Variants in PHF1 observed in about 807,000 individuals in gnomAD.
PHF1 encodes PHD finger protein 1, also known as polycomb-like 1.
PHF1 carries 16 observed loss-of-function variants against 69.4 expected under a neutral mutation model. The observed-to-expected ratio is 0.23, with a 90% CI of 0.16 to 0.35. The LOEUF (loss-of-function observed/expected upper bound fraction) is 0.35. PHF1 is among the 10% of genes least tolerant of loss of function. PHF1 has a pLI of 1.00. For missense variants in PHF1, 515 were observed against 732.8 expected (o/e 0.70, Z 3.43); for synonymous variants, 274 against 275.0 (o/e 1.00, Z 0.04).
chr6:33,413,096 G>T, intron 4 of PHF1, 100 bp from the exon 5 acceptor site: 1 of 1,075,858 alleles, frequency 9.3e-7, no homozygotes, highest in South Asian at 1.2e-5. Flanking sequence ...CCCTCATCAA[G>T]ACCATGGTCA....
chr6:33,413,570 A>T lies in PHF1; in HGVS notation c.587+13A>T. The T allele has an allele frequency of 1.2e-6, 2 of 1,614,064 alleles. No homozygotes were observed. The highest frequency in any genetic ancestry group is 1.7e-6 in the Non-Finnish European group (2 of 1,179,964). ...GTGGCCCTGGGGAGTGAGTAATGAG[A>T]GGGGAGCAGACTGTGGAATGAATGA... On this transcript the variant is annotated intron_variant, in intron 6 of 14. Coordinates refer to ENST00000374516, the MANE Select transcript of PHF1 (RefSeq NM_024165.3).
chr6:33,413,238 G>A lies in PHF1; in HGVS notation c.380G>A (p.Gly127Glu). 6.2e-7 allele frequency: 1 copy of A among 1,614,190 alleles called. No homozygotes were observed. Among genetic ancestry groups the A allele is most frequent in the Non-Finnish European group, 8.5e-7 (1 of 1,180,028 alleles). Reference protein sequence around the residue: ...DCHVPRAPAPGEGEGTSWVCR... With the variant: ...DCHVPRAPAPEEGEGTSWVCR... ...CATGTTCCCAGGGCTCCAGCCCCTG[G>A]AGAGGGAGAGGGCACATCCTGGGTA... is the stretch of plus-strand genomic sequence containing the variant. The change falls in exon 5 of 15, where the codon GGA (glycine) becomes GAA (glutamate). Residue 127 changes from glycine (G) to glutamate (E), a missense_variant. Transcript: ENST00000374516.
At chr6:33,415,425 G>GGC (rs1303838561) in intron 13 of PHF1, 96 bp downstream of exon 13, 6 of 1,242,624 alleles carry the variant, frequency 4.8e-6, no homozygotes, top group Non-Finnish European at 5.8e-6. Flanking sequence ...TCTCCCCCTT[G>GGC]GCTACCCACT....
In PHF1 at chr6:33,414,578, C is replaced by T; in HGVS notation, c.944+34C>T. ...GAGGGAAGAGGAGGCAAGGATGAGG[C>T]TCGGAAAGAGATGGAGAGTGGAAGC... On this transcript the variant is annotated intron_variant, in intron 10 of 14. Transcript: ENST00000374516. The surrounding 1 kb of genome is among the most constrained non-coding windows in gnomAD (Gnocchi z 5.0). The T allele has an allele frequency of 6.2e-7, 1 of 1,606,764 alleles. No homozygotes were observed. Among genetic ancestry groups the T allele is most frequent in the Non-Finnish European group, 8.5e-7 (1 of 1,173,448 alleles).
At position 33,412,430 on chromosome 6, in the gene PHF1, C is replaced by T. The variant is rs778105253; in HGVS notation, c.159+8C>T. ...TTGGGTACCATCAAAAAGGTAAGACCTTCTACCTCTGACCTTCTTCCTAGT... is the reference window on the plus strand; with the variant it reads ...TTGGGTACCATCAAAAAGGTAAGACTTTCTACCTCTGACCTTCTTCCTAGT... On this transcript the variant is annotated splice_region_variant and intron_variant, in intron 2 of 14. Transcript: ENST00000374516. The surrounding 1 kb of genome is among the most constrained non-coding windows in gnomAD (Gnocchi z 4.2). 3 of 1,614,094 alleles carry T rather than the reference C, an allele frequency of 1.9e-6. No individual in the cohort carries two copies. The highest frequency in any genetic ancestry group is 1.3e-5 in the African/African-American group (1 of 74,954).
chr6:33,411,868 A>G (rs1158447406), intron 1 of PHF1, among the ~76,000 whole-genome samples: 1 of 152,194 alleles, frequency 6.6e-6, no homozygotes, highest in Non-Finnish European at 1.5e-5. Flanking sequence ...TAGGCAAAGA[A>G]AATGGGGAGG....
At position 33,415,817 on chromosome 6, in the gene PHF1, C is replaced by G; in HGVS notation, c.1423C>G (p.Leu475Val). ...GDSGPPDRSP[L>V]ELHIGFPTDI... ...ATTGCCTTCTCTCCCTAGGTCACCC[C>G]TGGAACTTCACATTGGTTTCCCCAC... The change falls in exon 15 of 15, where the codon CTG (leucine) becomes GTG (valine). Residue 475 changes from leucine to valine, a missense_variant. Around this residue, in one of 5 missense-constraint regions of PHF1, gnomAD observed 274 missense variants for 304.5 expected, o/e 0.90. Coordinates refer to ENST00000374516, the MANE Select transcript of PHF1 (RefSeq NM_024165.3). 2 of 1,598,352 alleles carry G rather than the reference C, an allele frequency of 1.3e-6. No individual in the cohort carries two copies. Among genetic ancestry groups the G allele is most frequent in the Non-Finnish European group, 1.7e-6 (2 of 1,168,654 alleles).
chr6:33,413,864 G>A, intron 7 of PHF1, 33 bp downstream of exon 7: 3 of 1,591,474 alleles, frequency 1.9e-6, no homozygotes, highest in Non-Finnish European at 2.6e-6. Flanking sequence ...AGGAGCCAAG[G>A]ATGCCCTCTT....
Position 33,414,239 on chromosome 6 carries a change from C to T in PHF1, c.753-4C>T, listed in dbSNP as rs1776279101. The T allele has an allele frequency of 6.2e-7, 1 of 1,613,942 alleles. No individual in the cohort carries two copies. ...CTGTGGTCTTGAAAACTTTGTTTTT[C>T]CAGGGTGGATGTGGCCCATCTTGTC... On this transcript the variant is annotated splice_region_variant and splice_polypyrimidine_tract_variant and intron_variant, in intron 8 of 14. Transcript: ENST00000374516. The surrounding 1 kb of genome is among the most constrained non-coding windows in gnomAD (Gnocchi z 5.0).
At position 33,414,167 on chromosome 6, in the gene PHF1, A is replaced by G. The variant is rs370882136; in HGVS notation, c.752+58A>G. On this transcript the variant is annotated intron_variant, in intron 8 of 14. Transcript: ENST00000374516. The surrounding 1 kb of genome is among the most constrained non-coding windows in gnomAD (Gnocchi z 5.0). ...TCCACACCACAGTATTTCACTCTAT[A>G]TGCCCCAACCTCCCACCTCAGGACT... 1.6e-3 allele frequency: 2,639 copies of G among 1,613,536 alleles called. 15 individuals are homozygous for G. Among genetic ancestry groups the G allele is most frequent in the Middle Eastern group, 6.8e-3 (41 of 6,062 alleles).
chr6:33,413,023 G>A (rs1178077447), intron 4 of PHF1, 173 bp from the exon 5 acceptor site: 18 of 722,280 alleles, frequency 2.5e-5, no homozygotes, highest in South Asian at 9.7e-5. Flanking sequence ...ATATGACCTC[G>A]GACAAGTCCC....
chr6:33,415,413 C>T, intron 13 of PHF1, 84 bp downstream of exon 13: 1 of 1,293,924 alleles, frequency 7.7e-7, no homozygotes, highest in Non-Finnish European at 1.1e-6. Flanking sequence ...AATTCTTTTC[C>T]CTCTCCCCCT....
At position 33,413,576 on chromosome 6, in the gene PHF1, G is replaced by A; in HGVS notation, c.587+19G>A. ...CTGGGGAGTGAGTAATGAGAGGGGA[G>A]CAGACTGTGGAATGAATGATGTGGT... is the stretch of plus-strand genomic sequence containing the variant. On this transcript the variant is annotated intron_variant, in intron 6 of 14. Transcript: ENST00000374516. The A allele has an allele frequency of 6.2e-7, 1 of 1,614,016 alleles. No individual in the cohort carries two copies. The highest frequency in any genetic ancestry group is 8.5e-7 in the Non-Finnish European group (1 of 1,179,908).
In PHF1 at chr6:33,414,714, T is replaced by C. The variant is rs185500283; in HGVS notation, c.945-11T>C. The C allele has an allele frequency of 1.0e-4, 164 of 1,609,172 alleles. No homozygotes were observed. Among genetic ancestry groups the C allele is most frequent in the Middle Eastern group, 1.7e-4 (1 of 6,048 alleles). ...AGCACTGACCCTATATCATTTCTCTTCTTGCCCCAGTTTCATTTCAGGGAG... is the reference window on the plus strand; with the variant it reads ...AGCACTGACCCTATATCATTTCTCTCCTTGCCCCAGTTTCATTTCAGGGAG... On this transcript the variant is annotated splice_polypyrimidine_tract_variant and intron_variant, in intron 10 of 14. Transcript: ENST00000374516. This position sits in a 1 kb window ranked among gnomAD's most constrained non-coding sequence, Gnocchi z 5.0.
At position 33,415,092 on chromosome 6, in the gene PHF1, A is replaced by G; in HGVS notation, c.1187A>G (p.Gln396Arg). ...GGGCCACCCTCAGCAGTGCGCAATC[A>G]GCCCGAGCCCCAGGAGCAGAGGGAG... ...ELGPPSAVRN[Q>R]PEPQEQRERA... Residue 396 changes from glutamine to arginine, a missense_variant, in exon 12 of 15, where the codon CAG becomes CGG. Gln to Arg is a conservative substitution (Grantham distance 43). This residue lies in a region of PHF1 where 274 missense variants were observed against 304.5 expected (regional missense o/e 0.90). Transcript: ENST00000374516. The G allele has an allele frequency of 1.9e-6, 3 of 1,613,246 alleles. No individual in the cohort carries two copies. Among genetic ancestry groups the G allele is most frequent in the Non-Finnish European group, 2.5e-6 (3 of 1,179,526 alleles).
Position 33,414,423 on chromosome 6 carries a change from G to C in PHF1, c.877-54G>C. The C allele has an allele frequency of 6.2e-7, 1 of 1,613,752 alleles. No homozygotes were observed. The highest frequency in any genetic ancestry group is 8.5e-7 in the Non-Finnish European group (1 of 1,179,762). ...TGGGACAGGGAGATGTAGCGGAAAG[G>C]GGAAGAGAAGAAATCACTGCTCCCC... On this transcript the variant is annotated intron_variant, in intron 9 of 14. Coordinates refer to ENST00000374516, the MANE Select transcript of PHF1 (RefSeq NM_024165.3). This position sits in a 1 kb window ranked among gnomAD's most constrained non-coding sequence, Gnocchi z 5.0.
In PHF1 at chr6:33,414,852, G is replaced by A. The variant is rs1242159189; in HGVS notation, c.1049+23G>A. On this transcript the variant is annotated intron_variant, in intron 11 of 14. Coordinates refer to ENST00000374516, the MANE Select transcript of PHF1 (RefSeq NM_024165.3). This position sits in a 1 kb window ranked among gnomAD's most constrained non-coding sequence, Gnocchi z 5.0. ...CAGGTCACTGGTCCAGGGGGGATGG[G>A]GGAAATTCTCAGGGTGTTAGTCCTG... is the stretch of plus-strand genomic sequence containing the variant. 5.6e-6 allele frequency: 9 copies of A among 1,604,548 alleles called. No individual in the cohort carries two copies. The highest frequency in any genetic ancestry group is 4.0e-5 in the African/African-American group (3 of 74,448).
chr6:33,413,949 C>T (rs1776258386), intron 7 of PHF1, 92 bp from the exon 8 acceptor site: 1 of 1,556,398 alleles, frequency 6.4e-7, no homozygotes, highest in Non-Finnish European at 8.9e-7. Context: ...AGCGTTACCT[C>T]ACCTGTTTGC....
Position 33,415,886 on chromosome 6 carries a change from T to C in PHF1, c.1492T>C (p.Ser498Pro). Reference protein sequence around the residue: ...SAPHSMTASSSSVSSPSPGLP... With the variant: ...SAPHSMTASSPSVSSPSPGLP... Reference sequence around the variant, plus strand: ...CCCCCACTCGATGACTGCCTCATCTTCCTCAGTTTCATCCCCATCCCCAGG... The same window carrying C: ...CCCCCACTCGATGACTGCCTCATCTCCCTCAGTTTCATCCCCATCCCCAGG... Residue 498 changes from serine to proline, a missense_variant, in exon 15 of 15, where the codon TCC (serine) becomes CCC (proline). Ser to Pro is a moderately conservative substitution (Grantham distance 74). This residue lies in a region of PHF1 where 274 missense variants were observed against 304.5 expected (regional missense o/e 0.90). Transcript: ENST00000374516. 7 of 1,612,804 alleles carry C rather than the reference T, an allele frequency of 4.3e-6. No individual in the cohort carries two copies. Among genetic ancestry groups the C allele is most frequent in the Non-Finnish European group, 5.9e-6 (7 of 1,179,036 alleles).
Sources: gnomAD v4.1 joint callset for allele counts (sites outside exome capture counted in the v4.1 genomes callset) on GRCh38, gnomAD v4.1.1 for gene constraint, gnomAD v4.1.1 regional missense constraint, Gnocchi (gnomAD v3.1) non-coding constraint, MANE v1.5 for transcripts, NCBI Gene and HGNC (gene_info 2026-07-23, HGNC 2026-07-21) for gene names.